SFXN5: variants seen among roughly 807,000 people sequenced by gnomAD.
SFXN5 encodes sideroflexin-5.
A neutral mutation model predicts 50.2 loss-of-function variants in SFXN5; 43 were observed. The ratio of observed to expected loss-of-function variants is 0.86; its 90% CI spans 0.67 to 1.11. The LOEUF is 1.11. Ranked by LOEUF, SFXN5 falls within the 50% of genes least tolerant of loss-of-function variation. The pLI, the probability that SFXN5 is intolerant of heterozygous loss-of-function variation, is 0.00. For missense variants in SFXN5, 463 were observed against 454.1 expected (o/e 1.02, Z -0.18); for synonymous variants, 203 against 185.8 (o/e 1.09, Z -0.75).
intron 2 of SFXN5, among the ~76,000 whole-genome samples, chr2:73,048,097 A>AT (rs1680752295): frequency 6.6e-6 from 1 of 152,228 alleles, no homozygotes; most frequent in Admixed American, 6.5e-5. Context: ...ATGGATATCC[A>AT]TTGCTATATA....
chr2:73,044,883 G>A (rs1680119993), intron 2 of SFXN5, among the ~76,000 whole-genome samples: 1 of 152,256 alleles, frequency 6.6e-6, no homozygotes, highest in African/African-American at 2.4e-5. Context: ...AATTTGAACA[G>A]AGGAGAATCC....
rs975048059 is a variant in SFXN5, at chr2:72,961,051, G to T, written c.945+80C>A. On this transcript the variant is annotated intron_variant, in intron 13 of 13. Transcript: ENST00000272433. The surrounding 1 kb of genome is among the most constrained non-coding windows in gnomAD (Gnocchi z 4.4). ...GCGCCTAGCATGGCGCTAAGGAGTC[G>T]GCACGGTATGAGTATTTGTTCAGAA... is the stretch of plus-strand genomic sequence containing the variant. The T allele has an allele frequency of 5.7e-6, 6 of 1,048,730 alleles. No homozygotes were observed. In the Admixed American group the frequency reaches 1.8e-4, roughly 31 times the overall value. The allele number at this position is 1,048,730 out of a possible 1,614,324, so 65.0% of individuals were successfully genotyped here.
At chr2:73,008,427 G>C (rs1675027362) in intron 6 of SFXN5, among the ~76,000 whole-genome samples, 1 of 152,166 alleles carries the variant, frequency 6.6e-6, no homozygotes, top group African/African-American at 2.4e-5. Flanking sequence ...AATGCTCTCT[G>C]GGAGAGCCCC....
intron 4 of SFXN5, among the ~76,000 whole-genome samples, 159 bp from the exon 5 acceptor site, chr2:73,022,735 T>C (rs1327931400): frequency 6.6e-6 from 1 of 152,130 alleles, no homozygotes; most frequent in Non-Finnish European, 1.5e-5. Flanking sequence ...GGCTGTATGT[T>C]GCCTTGTGGC....
At chr2:73,069,744 G>A (rs1479819594) in intron 1 of SFXN5, among the ~76,000 whole-genome samples, 3 of 151,974 alleles carry the variant, frequency 2.0e-5, no homozygotes, top group Middle Eastern at 6.8e-3. Flanking sequence ...CCACTAAGAC[G>A]TATTTGATAA....
intron 1 of SFXN5, chr2:73,059,919 G>A: frequency 1.0e-6 from 1 of 957,164 alleles, no homozygotes; most frequent in Non-Finnish European, 1.2e-6. Flanking sequence ...CTTTACAAAG[G>A]TGGATGGTTA....
chr2:72,986,282 G>C (rs2105560109), intron 10 of SFXN5, among the ~76,000 whole-genome samples: 1 of 152,308 alleles, frequency 6.6e-6, no homozygotes, highest in African/African-American at 2.4e-5. Flanking sequence ...CCAGAGGTGG[G>C]GCTGCCCAGC....
chr2:73,058,834 C>A (rs998453596), intron 1 of SFXN5, among the ~76,000 whole-genome samples: 2 of 152,148 alleles, frequency 1.3e-5, no homozygotes, highest in African/African-American at 4.8e-5. Flanking sequence ...ATCTGCTCTT[C>A]CAGGTGACTT....
At chr2:73,031,266 G>A (rs1678263505) in intron 3 of SFXN5, among the ~76,000 whole-genome samples, 1 of 152,228 alleles carries the variant, frequency 6.6e-6, no homozygotes, top group Non-Finnish European at 1.5e-5. Flanking sequence ...TTCCAGGCCA[G>A]TGGCTCCCCC....
rs1352386025 is a variant in SFXN5, at chr2:72,988,367, A to C, written c.535-19T>G. 1.9e-6 allele frequency: 3 copies of C among 1,608,852 alleles called. No homozygotes were observed. In the Admixed American group the frequency reaches 5.0e-5, roughly 27 times the overall value. On this transcript the variant is annotated intron_variant, in intron 9 of 13. Transcript: ENST00000272433. ...GGCCCACCTTTGAAAGAAAAAAATAAAAACACAGAAAAAGTACATGATGCT... is the reference window on the plus strand; with the variant it reads ...GGCCCACCTTTGAAAGAAAAAAATACAAACACAGAAAAAGTACATGATGCT...
intron 3 of SFXN5, among the ~76,000 whole-genome samples, chr2:73,035,224 T>A (rs1024635381): frequency 6.6e-6 from 1 of 152,200 alleles, no homozygotes; most frequent in Non-Finnish European, 1.5e-5. Flanking sequence ...GTCTTCCATA[T>A]TTAGCCCCAC....
At chr2:72,976,695 G>A (rs1184950994) in intron 10 of SFXN5, among the ~76,000 whole-genome samples, 1 of 152,200 alleles carries the variant, frequency 6.6e-6, no homozygotes, top group Non-Finnish European at 1.5e-5. Flanking sequence ...ACTAAAGAAA[G>A]TGACTGGTAT....
intron 10 of SFXN5, among the ~76,000 whole-genome samples, chr2:72,976,299 A>AC (rs1186900271): frequency 1.3e-5 from 2 of 152,116 alleles, no homozygotes; most frequent in East Asian, 3.8e-4. Context: ...CAAAAAGTAA[A>AC]AAAAAAAACT....
chr2:72,991,612 C>T (rs1186128705), intron 9 of SFXN5, among the ~76,000 whole-genome samples: 1 of 152,264 alleles, frequency 6.6e-6, no homozygotes, highest in African/African-American at 2.4e-5. Context: ...CAGCCACGGC[C>T]TGAGAAGGAA....
Position 72,964,581 on chromosome 2 carries a change from ACT to A in SFXN5, c.828-3335_828-3334del, listed in dbSNP as rs546573553. ...TGTTTTCCTACCAGAGCCTCAGCTC[ACT>A]CTGCTACACTGCCCTGCCTCCCTAC... On this transcript the variant is annotated intron_variant, in intron 12 of 13. Transcript: ENST00000272433. Among the ~76,000 whole-genome samples the A allele has an allele frequency of 3.3e-3, 509 of 152,280 alleles. 4 individuals are homozygous for A. Among genetic ancestry groups the A allele is most frequent in the African/African-American group, 0.012 (491 of 41,568 alleles).
At position 72,960,860 on chromosome 2, in the gene SFXN5, A is replaced by T. The variant is rs1309954310; in HGVS notation, c.945+271T>A. The stretch of plus-strand genomic sequence containing the variant: ...TCCCAGTGAAATGTCACTTCCCTCT[A>T]GGCTCAGTTTGGTCTGCTGTCTCCT... On this transcript the variant is annotated intron_variant, in intron 13 of 13. Coordinates refer to ENST00000272433, the MANE Select transcript of SFXN5 (RefSeq NM_144579.3). The surrounding 1 kb of genome is among the most constrained non-coding windows in gnomAD (Gnocchi z 6.1). Among the ~76,000 whole-genome samples the T allele has an allele frequency of 6.6e-6, 1 of 151,928 alleles. No homozygotes were observed. The highest frequency in any genetic ancestry group is 2.4e-5 in the African/African-American group (1 of 41,376).
chr2:72,989,236 G>A (rs1001988924), intron 9 of SFXN5, among the ~76,000 whole-genome samples: 1 of 152,092 alleles, frequency 6.6e-6, no homozygotes, highest in Non-Finnish European at 1.5e-5. Flanking sequence ...TGCAGTGCTG[G>A]TCCCTGTGCC....
At chr2:73,010,305 G>A (rs72920422) in intron 6 of SFXN5, among the ~76,000 whole-genome samples, 11,338 of 152,252 alleles carry the variant, frequency 0.074, 974 homozygotes, top group African/African-American at 0.21. Flanking sequence ...TTAAAGAGAG[G>A]CTGTATCTTA....
intron 3 of SFXN5, among the ~76,000 whole-genome samples, chr2:73,027,254 TG>T (rs1035395250): frequency 2.0e-5 from 3 of 152,158 alleles, no homozygotes; most frequent in Non-Finnish European, 2.9e-5. Flanking sequence ...TAGAATGATA[TG>T]GGTGTTTGTG....
Sources: allele counts gnomAD v4.1 joint callset (sites outside exome capture counted in the v4.1 genomes callset), GRCh38; gene constraint gnomAD v4.1.1; non-coding constraint Gnocchi (gnomAD v3.1); transcripts MANE v1.5; gene names NCBI Gene and HGNC (gene_info 2026-07-23, HGNC 2026-07-21).